MPP7: variants seen among roughly 807,000 people sequenced by gnomAD.
The protein encoded by MPP7 is MAGUK p55 subfamily member 7.
In MPP7, 60 loss-of-function variants were observed where a neutral mutation model predicts 76.5. The ratio of observed to expected loss-of-function variants is 0.78; its 90% CI spans 0.64 to 0.97. The LOEUF (loss-of-function observed/expected upper bound fraction) is 0.97. Ranked by LOEUF, MPP7 falls within the 50% of genes least tolerant of loss-of-function variation. MPP7 has a pLI of 0.00. For synonymous variants in MPP7, 237 were observed against 244.5 expected (o/e 0.97, Z 0.29); for missense variants, 641 against 694.0 (o/e 0.92, Z 0.86).
intron 1 of MPP7, among the ~76,000 whole-genome samples, chr10:28,298,309 T>C (rs1020003783): frequency 6.6e-6 from 1 of 152,236 alleles, no homozygotes; most frequent in Admixed American, 6.5e-5. Context: ...ATAATAACTC[T>C]TGAAAGTTGA....
At chr10:28,312,864 T>C (rs1300718602) in intron 2 of MPP7, among the ~76,000 whole-genome samples, 1 of 152,180 alleles carries the variant, frequency 6.6e-6, no homozygotes, top group African/African-American at 2.4e-5. Context: ...GAAGCTTCCT[T>C]ATCTCGCCAC....
chr10:28,184,612 A>G (rs753828949), intron 3 of MPP7, among the ~76,000 whole-genome samples: 4 of 149,526 alleles, frequency 2.7e-5, no homozygotes, highest in Non-Finnish European at 5.9e-5. Context: ...GTAGGCTGAC[A>G]CGTAAGAATC....
chr10:28,053,888 C>T lies in MPP7; in HGVS notation c.*177G>A. 4.9e-6 allele frequency: 3 copies of T among 618,324 alleles called. No individual in the cohort carries two copies. Among genetic ancestry groups the T allele is most frequent in the Non-Finnish European group, 8.5e-6 (3 of 353,692 alleles). 38.3% of individuals were successfully genotyped at this position (618,324 alleles called of 1,614,324 possible). On this transcript the variant is annotated 3_prime_UTR_variant, in exon 17 of 17. Transcript: ENST00000683449. ...GCATATTTTGATTTCGGATCTTATA[C>T]TAACACATGGCGTTTGAAATAAGGC...
At chr10:28,260,219 G>A (rs1839905457) in intron 1 of MPP7, among the ~76,000 whole-genome samples, 1 of 151,974 alleles carries the variant, frequency 6.6e-6, no homozygotes, top group South Asian at 2.1e-4. Context: ...ATTAATACAT[G>A]CTTAATTATC....
chr10:28,195,992 G>A (rs151090019), intron 3 of MPP7, among the ~76,000 whole-genome samples: 3 of 152,102 alleles, frequency 2.0e-5, no homozygotes, highest in Non-Finnish European at 4.4e-5. Context: ...CCTTCTAAAC[G>A]TTGATGACTC....
intron 3 of MPP7, among the ~76,000 whole-genome samples, chr10:28,183,296 G>A (rs1348066704): frequency 6.6e-6 from 1 of 152,174 alleles, no homozygotes; most frequent in Non-Finnish European, 1.5e-5. Context: ...CTTAAGCTGT[G>A]TGTTGGAACA....
chr10:28,055,429 G>C (rs1851517596), intron 16 of MPP7, among the ~76,000 whole-genome samples: 1 of 152,076 alleles, frequency 6.6e-6, no homozygotes, highest in Non-Finnish European at 1.5e-5. Flanking sequence ...TTAATGATGA[G>C]CTAATTAAGA....
upstream of MPP7, among the ~76,000 whole-genome samples, chr10:28,306,723 AATAG>A (rs1841260275): frequency 6.6e-6 from 1 of 151,800 alleles, no homozygotes; most frequent in African/African-American, 2.4e-5. Context: ...GATGATAGAT[AATAG>A]ATAGTTGATA....
chr10:28,120,896 C>T (rs1834814773), intron 8 of MPP7, among the ~76,000 whole-genome samples: 1 of 152,228 alleles, frequency 6.6e-6, no homozygotes, highest in Non-Finnish European at 1.5e-5. Context: ...TCCACTTTTA[C>T]TTCCTGTGTA....
intron 1 of MPP7, among the ~76,000 whole-genome samples, chr10:28,287,602 C>A (rs1840818580): frequency 6.6e-6 from 1 of 152,016 alleles, no homozygotes; most frequent in Non-Finnish European, 1.5e-5. Flanking sequence ...ATGCCAAATA[C>A]AGGAGTGTAT....
intron 2 of MPP7, among the ~76,000 whole-genome samples, chr10:28,321,948 CGT>C (rs3064171): frequency 0.11 from 16,308 of 143,196 alleles, 1,260 homozygotes; most frequent in East Asian, 0.35. Context: ...TTTTTGTAGA[CGT>C]GTGTGTGTGT....
At position 28,059,705 on chromosome 10, in the gene MPP7, C is replaced by A; in HGVS notation, c.1243G>T (p.Val415Phe). The part of the protein sequence containing the change: ...RARRSQESDG[V>F]EYIFISKHLF... ...TGCTTGGAAATGAAAATGTATTCAACACCATCACTCTCCTGGCTTCTTCTT... is the reference window on the plus strand; with the variant it reads ...TGCTTGGAAATGAAAATGTATTCAAAACCATCACTCTCCTGGCTTCTTCTT... The change falls in exon 14 of 17, where the codon GTT (valine) becomes TTT (phenylalanine). Residue 415 changes from valine to phenylalanine, a missense_variant. Coordinates refer to ENST00000683449, the MANE Select transcript of MPP7 (RefSeq NM_001318170.2). The A allele has an allele frequency of 6.2e-7, 1 of 1,613,548 alleles. No homozygotes were observed. Among genetic ancestry groups the A allele is most frequent in the African/African-American group, 1.3e-5 (1 of 75,002 alleles).
chr10:28,330,401 G>T (rs1036912378), intron 1 of MPP7, among the ~76,000 whole-genome samples: 3 of 152,118 alleles, frequency 2.0e-5, no homozygotes, highest in African/African-American at 7.2e-5. Flanking sequence ...TCACACCTGT[G>T]AATAGCTACT....
At chr10:28,162,874 T>A (rs1275126629) in intron 3 of MPP7, among the ~76,000 whole-genome samples, 2 of 150,236 alleles carry the variant, frequency 1.3e-5, no homozygotes, top group South Asian at 2.1e-4. Flanking sequence ...TCTCTCTCTT[T>A]CTCTCTCTCT....
intron 5 of MPP7, 84 bp downstream of exon 5, chr10:28,147,399 T>G: frequency 9.8e-7 from 1 of 1,018,210 alleles, no homozygotes. Context: ...TACTTGAGAA[T>G]TGATGCTCGA....
At chr10:28,072,987 C>A (rs1336624327) in intron 12 of MPP7, among the ~76,000 whole-genome samples, 2 of 152,202 alleles carry the variant, frequency 1.3e-5, no homozygotes, top group Admixed American at 1.3e-4. Flanking sequence ...GAGCTGAGTG[C>A]AGAAAACCCA....
rs868368454 is a variant in MPP7 at position 28,089,726 on chromosome 10, T to G, written c.1068A>C (p.Glu356Asp). 1.2e-6 allele frequency: 2 copies of G among 1,613,866 alleles called. No individual in the cohort carries two copies. The highest frequency in any genetic ancestry group is 1.6e-4 in the Middle Eastern group (1 of 6,084). ...TAGTTTGTCGCCGATACGGTGTCAC[T>G]TCTTCGTATGTGGGTACGTCAGCTG... ...YDTADVPTYEEVTPYRRQTNE... is the reference protein window; with the variant it reads ...YDTADVPTYEDVTPYRRQTNE... Residue 356 changes from glutamate (E) to aspartate (D), a missense_variant, in exon 12 of 17, where the codon GAA (glutamate) becomes GAC (aspartate). By Grantham distance (45) the Glu-to-Asp change is conservative. Transcript: ENST00000683449.
chr10:28,067,032 T>A (rs1281362061), intron 13 of MPP7, among the ~76,000 whole-genome samples: 2 of 152,168 alleles, frequency 1.3e-5, no homozygotes, highest in African/African-American at 4.8e-5. Context: ...TTGGTGAACG[T>A]ACTTATGCAT....
chr10:28,121,431 T>G (rs1243075398), intron 8 of MPP7, among the ~76,000 whole-genome samples: 1 of 152,038 alleles, frequency 6.6e-6, no homozygotes, highest in Non-Finnish European at 1.5e-5. Flanking sequence ...ATAAAGAACA[T>G]TCATATCTAT....
Sources: gnomAD v4.1 joint callset for allele counts (sites outside exome capture counted in the v4.1 genomes callset) on GRCh38, gnomAD v4.1.1 for gene constraint, MANE v1.5 for transcripts, NCBI Gene and HGNC (gene_info 2026-07-23, HGNC 2026-07-21) for gene names.